SECTM1: variants seen among roughly 807,000 people sequenced by gnomAD.
SECTM1 encodes secreted and transmembrane 1.
SECTM1 carries 10 observed loss-of-function variants against 18.1 expected under a neutral mutation model. That is an observed-to-expected ratio of 0.55 (90% CI 0.34 to 0.94). The LOEUF is 0.94. Among genes scored for constraint, SECTM1 ranks in the 40% least tolerant of loss-of-function variants. SECTM1 has a pLI of 0.02. For synonymous variants in SECTM1, 137 were observed against 139.2 expected, an observed-to-expected ratio of 0.98 and a Z score of 0.11; for missense variants, 297 against 322.6, an observed-to-expected ratio of 0.92 and a Z score of 0.61.
In SECTM1 at chr17:82,328,067, T is replaced by G. The variant is rs2052162839; in HGVS notation, c.-52-775A>C. 6.6e-6 allele frequency: 1 copy of G among 151,790 alleles called. No individual in the cohort carries two copies. Among genetic ancestry groups the G allele is most frequent in the African/African-American group, 2.4e-5 (1 of 41,296 alleles). The allele number at this position is 151,790 out of a possible 1,614,324, so 9.4% of individuals were successfully genotyped here. On this transcript the variant is annotated intron_variant, in intron 1 of 4. Transcript: ENST00000269389. This position sits in a 1 kb window ranked among gnomAD's most constrained non-coding sequence, Gnocchi z 5.8. ...CCCCCCTCCCGGGGCAGCACTCAGT[T>G]GCGTTCCTTTCGAATCCATCGTTTA...
chr17:82,324,910 C>G lies in SECTM1; in HGVS notation c.95-20G>C. ...CCCAGCCTGTAGGGCCAGACAGAGG[C>G]ACACACGGATCAGGGCTGGACCTCA... On this transcript the variant is annotated intron_variant, in intron 2 of 4. Transcript: ENST00000269389. 2 of 1,598,550 alleles carry G rather than the reference C, an allele frequency of 1.3e-6. No individual in the cohort carries two copies. Among genetic ancestry groups the G allele is most frequent in the South Asian group, 2.2e-5 (2 of 90,084 alleles).
chr17:82,324,211 C>T (rs1392097165), intron 3 of SECTM1, among the ~76,000 whole-genome samples: 4 of 152,036 alleles, frequency 2.6e-5, no homozygotes, highest in African/African-American at 7.3e-5. Flanking sequence ...GGTGCCTGGG[C>T]TTCCTGGCTG....
At chr17:82,324,201 G>A (rs1186821607) in intron 3 of SECTM1, among the ~76,000 whole-genome samples, 1 of 152,062 alleles carries the variant, frequency 6.6e-6, no homozygotes, top group Non-Finnish European at 1.5e-5. Context: ...GGAGGCGGGG[G>A]GTGCCTGGGC....
rs1363204578 is a variant in SECTM1, at chr17:82,321,027, GA to G, written c.*1133del. 6.6e-6 allele frequency: 1 copy of G among 152,198 alleles called. No homozygotes were observed. Among genetic ancestry groups the G allele is most frequent in the Non-Finnish European group, 1.5e-5 (1 of 68,056 alleles). 9.4% of individuals were successfully genotyped at this position (152,198 alleles called of 1,614,324 possible). A position where few individuals can be genotyped will look rare whatever the true frequency, so the allele number is the denominator to read the frequency against. On this transcript the variant is annotated 3_prime_UTR_variant, in exon 5 of 5. Transcript: ENST00000269389. ...GCGCTGTGCCCACAGAACAGGGTCT[GA>G]CCCAGCACGCGGACGGAACCTTATT...
chr17:82,326,378 T>C lies in SECTM1; in HGVS notation c.94+769A>G, dbSNP rs952526360. On this transcript the variant is annotated intron_variant, in intron 2 of 4. Coordinates refer to ENST00000269389, the MANE Select transcript of SECTM1 (RefSeq NM_003004.3). The surrounding 1 kb of genome is among the most constrained non-coding windows in gnomAD (Gnocchi z 4.3). ...ACTTTGGGAGGCCGAGGTGGGAGGA[T>C]CACTTGAGCCCAGGAGTTTGAGACC... is the stretch of plus-strand genomic sequence containing the variant. 1.1e-4 allele frequency among the ~76,000 whole-genome samples: 17 copies of C among 151,990 alleles called. No homozygotes were observed. The highest frequency in any genetic ancestry group is 3.1e-4 in the African/African-American group (13 of 41,362).
chr17:82,323,296 G>A (rs1436632121), intron 3 of SECTM1: 20 of 416,626 alleles, frequency 4.8e-5, no homozygotes, highest in South Asian at 2.9e-5. Flanking sequence ...GCGCTGGCCC[G>A]GTCCTTCAGG....
Position 82,327,181 on chromosome 17 carries a change from CA to C in SECTM1, c.59del (p.Leu20ArgfsTer7). The C allele has an allele frequency of 6.2e-7, 1 of 1,612,708 alleles. No homozygotes were observed. Among genetic ancestry groups the C allele is most frequent in the Non-Finnish European group, 8.5e-7 (1 of 1,179,354 alleles). On this transcript the variant is annotated frameshift_variant, in exon 2 of 5. Coordinates refer to ENST00000269389, the MANE Select transcript of SECTM1 (RefSeq NM_003004.3). LOFTEE classifies it high-confidence loss of function. Reference protein sequence around the residue: ...GHVSQALGTLLFLAASLSAQN... With the variant: ...GHVSQALGTLXFLAASLSAQN... Reference sequence around the variant, plus strand: ...GAGCACTCAAGGAGGCAGCCAAAAACAGGAGGGTCCCAAGGGCCTGGGAAAC... The same window carrying C: ...GAGCACTCAAGGAGGCAGCCAAAAACGGAGGGTCCCAAGGGCCTGGGAAAC...
intron 2 of SECTM1, 96 bp downstream of exon 2, chr17:82,327,051 G>T: frequency 1.1e-6 from 1 of 896,540 alleles, no homozygotes; most frequent in Non-Finnish European, 1.8e-6. Flanking sequence ...GGGTCTGGTG[G>T]CACCTGGACC....
chr17:82,322,311 C>A lies in SECTM1; in HGVS notation c.597G>T (p.Gln199His), dbSNP rs767617753. The change falls in exon 5 of 5, where the codon CAG (glutamine) becomes CAT (histidine). Residue 199 changes from glutamine to histidine, a missense_variant. Transcript: ENST00000269389. ...CAGCGGAGGCTCTGCTCAGGCCCTG[C>A]TGGGCTCCCGCTCTGAGGGCTGCGA... is the stretch of plus-strand genomic sequence containing the variant. ...MKVAALRAGA[Q>H]QGLSRASAEL... 7 of 1,613,194 alleles carry A rather than the reference C, an allele frequency of 4.3e-6. No individual in the cohort carries two copies. The highest frequency in any genetic ancestry group is 5.9e-6 in the Non-Finnish European group (7 of 1,179,558).
In SECTM1 at chr17:82,328,867, G is replaced by A. The variant is rs994614837; in HGVS notation, c.-52-1575C>T. On this transcript the variant is annotated intron_variant, in intron 1 of 4. Transcript: ENST00000269389. This position sits in a 1 kb window ranked among gnomAD's most constrained non-coding sequence, Gnocchi z 5.8. ...CTAGGAAAAGTCCCTAGGTAGGGCGGCAACTCCAGCCCTGCCTCTCCCAGC... is the reference window on the plus strand; with the variant it reads ...CTAGGAAAAGTCCCTAGGTAGGGCGACAACTCCAGCCCTGCCTCTCCCAGC... 1.3e-5 allele frequency among the ~76,000 whole-genome samples: 2 copies of A among 152,158 alleles called. No individual in the cohort carries two copies. The highest frequency in any genetic ancestry group is 1.5e-5 in the Non-Finnish European group (1 of 68,020).
chr17:82,324,956 G>C, intron 2 of SECTM1, 66 bp from the exon 3 acceptor site: 1 of 1,507,850 alleles, frequency 6.6e-7, no homozygotes, highest in Admixed American at 1.9e-5. Context: ...TGGCTGCTGT[G>C]CCCAGGGCCA....
At chr17:82,324,977 A>C in intron 2 of SECTM1, 87 bp from the exon 3 acceptor site, 1 of 1,319,654 alleles carries the variant, frequency 7.6e-7, no homozygotes, top group Admixed American at 2.1e-5. Context: ...GGGCCAGGGC[A>C]GGAGACAGGG....
Position 82,322,882 on chromosome 17 carries a change from C to T in SECTM1, c.533G>A (p.Arg178Gln), listed in dbSNP as rs771050119. The T allele has an allele frequency of 2.7e-5, 44 of 1,613,646 alleles. No individual in the cohort carries two copies. Among genetic ancestry groups the T allele is most frequent in the African/African-American group, 1.7e-4 (13 of 75,026 alleles). Residue 178 changes from arginine to glutamine, a missense_variant, in exon 4 of 5, where the codon CGG becomes CAG. By Grantham distance (43) the Arg-to-Gln change is conservative. Coordinates refer to ENST00000269389, the MANE Select transcript of SECTM1 (RefSeq NM_003004.3). ...WYRCRCSQQR[R>Q]EKKFFLLEPQ... ...CTGGGGTGCAGGGCCTCCTACCTCCCGGCGTTGCTGGGAACAGCGGCACCT... is the reference window on the plus strand; with the variant it reads ...CTGGGGTGCAGGGCCTCCTACCTCCTGGCGTTGCTGGGAACAGCGGCACCT...
chr17:82,322,023 G>C lies in SECTM1; in HGVS notation c.*138C>G, dbSNP rs1248336146. 1.4e-6 allele frequency: 1 copy of C among 734,294 alleles called. No homozygotes were observed. Among genetic ancestry groups the C allele is most frequent in the East Asian group, 2.7e-5 (1 of 37,598 alleles). The allele number at this position is 734,294 out of a possible 1,614,324, so 45.5% of individuals were successfully genotyped here. ...AGGGGAAGGGTCTGCACGCACCCAG[G>C]AGTGGGTGACACAGAGGCCCAGCCT... is the stretch of plus-strand genomic sequence containing the variant. On this transcript the variant is annotated 3_prime_UTR_variant, in exon 5 of 5. Coordinates refer to ENST00000269389, the MANE Select transcript of SECTM1 (RefSeq NM_003004.3).
rs192423786 is a variant in SECTM1 at position 82,323,519 on chromosome 17, G to C, written c.404-508C>G. On this transcript the variant is annotated intron_variant, in intron 3 of 4. Coordinates refer to ENST00000269389, the MANE Select transcript of SECTM1 (RefSeq NM_003004.3). ...AGGTGGGAGGGCTGGGAGGGGCCGT[G>C]GAGGCTCCTGAGCTTTGCAGGAAAG... is the stretch of plus-strand genomic sequence containing the variant. Among the ~76,000 whole-genome samples, 472 of 151,548 alleles carry C rather than the reference G, an allele frequency of 3.1e-3. 10 individuals carry two copies. The highest frequency in any genetic ancestry group is 4.1e-3 in the Non-Finnish European group (275 of 67,790).
intron 1 of SECTM1, among the ~76,000 whole-genome samples, chr17:82,331,254 G>C (rs2052188991): frequency 6.6e-6 from 1 of 152,172 alleles, no homozygotes; most frequent in African/African-American, 2.4e-5. Context: ...GACTTTGAAG[G>C]GCTCAGGGGG....
At chr17:82,331,062 G>A (rs767665271) in intron 1 of SECTM1, among the ~76,000 whole-genome samples, 4 of 152,176 alleles carry the variant, frequency 2.6e-5, no homozygotes, top group Non-Finnish European at 2.9e-5. Context: ...CAATGTTGGC[G>A]ACCCTGACCC....
intron 4 of SECTM1, 64 bp from the exon 5 acceptor site, chr17:82,322,434 G>A (rs536313004): frequency 2.6e-5 from 39 of 1,480,954 alleles, no homozygotes; most frequent in Non-Finnish European, 3.4e-5. Flanking sequence ...GCTCTGCCCT[G>A]GGGCGTGCGT....
intron 3 of SECTM1, among the ~76,000 whole-genome samples, chr17:82,324,309 C>T (rs1341243073): frequency 1.3e-5 from 2 of 152,012 alleles, no homozygotes; most frequent in African/African-American, 4.8e-5. Context: ...ACTCCGGCTG[C>T]CCTCTGTGGG....
Sources: allele counts gnomAD v4.1 joint callset (sites outside exome capture counted in the v4.1 genomes callset), GRCh38; gene constraint gnomAD v4.1.1; non-coding constraint Gnocchi (gnomAD v3.1); transcripts MANE v1.5; gene names NCBI Gene and HGNC (gene_info 2026-07-23, HGNC 2026-07-21).